Variants in SCGN observed in about 807,000 individuals in gnomAD.
SCGN encodes secretagogin, EF-hand calcium binding protein, also known as secretagogin.
SCGN carries 30 observed loss-of-function variants against 39.7 expected under a neutral mutation model. That is an observed-to-expected ratio of 0.76 (90% CI 0.57 to 1.03). The LOEUF (loss-of-function observed/expected upper bound fraction) is 1.03. Ranked by LOEUF, SCGN falls within the 50% of genes least tolerant of loss-of-function variation. SCGN has a pLI of 0.00. For synonymous variants in SCGN, 106 were observed against 114.1 expected (o/e 0.93, Z 0.45); for missense variants, 353 against 349.4 (o/e 1.01, Z -0.08).
At chr6:25,669,691 A>T (rs981309633) in intron 5 of SCGN, 124 bp downstream of exon 5, 1 of 753,886 alleles carries the variant, frequency 1.3e-6, no homozygotes, top group Admixed American at 2.1e-5. Flanking sequence ...AAAAATACAT[A>T]CATATGTACA....
chr6:25,652,359 G>C lies in SCGN; in HGVS notation c.-45G>C, dbSNP rs1457980317. 1.3e-6 allele frequency: 2 copies of C among 1,522,616 alleles called. No individual in the cohort carries two copies. Among genetic ancestry groups the C allele is most frequent in the South Asian group, 2.2e-5 (2 of 89,092 alleles). The allele number at this position is 1,522,616 out of a possible 1,614,324, so 94.3% of individuals were successfully genotyped here. A position where few individuals can be genotyped will look rare whatever the true frequency, so the allele number is the denominator to read the frequency against. On this transcript the variant is annotated 5_prime_UTR_variant, in exon 1 of 11. Coordinates refer to ENST00000377961, the MANE Select transcript of SCGN (RefSeq NM_006998.4). Reference sequence around the variant, plus strand: ...CGGTGAAGGAGTCCTTCCCAAAGTTGTCTAGGTCCTTCCGCGCCGGTGCCT... The same window carrying C: ...CGGTGAAGGAGTCCTTCCCAAAGTTCTCTAGGTCCTTCCGCGCCGGTGCCT...
intron 4 of SCGN, among the ~76,000 whole-genome samples, chr6:25,666,134 G>A (rs1434937323): frequency 1.3e-5 from 2 of 148,778 alleles, no homozygotes; most frequent in Admixed American, 1.4e-4. Context: ...GAGGTCAGGA[G>A]TTCAAAGGCA....
At chr6:25,674,008 CT>C (rs921660049) in intron 6 of SCGN, among the ~76,000 whole-genome samples, 12 of 152,180 alleles carry the variant, frequency 7.9e-5, no homozygotes, top group Non-Finnish European at 1.5e-5. Flanking sequence ...ATGCCACACA[CT>C]TTTAAACAAC....
chr6:25,694,072 C>T (rs796935487), intron 10 of SCGN, among the ~76,000 whole-genome samples: 5 of 152,292 alleles, frequency 3.3e-5, no homozygotes, highest in African/African-American at 9.6e-5. Flanking sequence ...AAAATACTAG[C>T]TATATCACAT....
chr6:25,682,936 C>T (rs893523322), intron 7 of SCGN, among the ~76,000 whole-genome samples: 5 of 152,224 alleles, frequency 3.3e-5, no homozygotes, highest in Admixed American at 6.5e-5. Context: ...TGGCAGCTAC[C>T]TCAGCCAGGT....
rs1482880027 is a variant in SCGN at position 25,701,289 on chromosome 6, A to G, written c.785A>G (p.Gln262Arg). 1.2e-6 allele frequency: 2 copies of G among 1,613,586 alleles called. No individual in the cohort carries two copies. The highest frequency in any genetic ancestry group is 3.3e-5 in the Admixed American group (2 of 59,940). ...HCDVNKDGKIQKSELALCLGL... is the reference protein window; with the variant it reads ...HCDVNKDGKIRKSELALCLGL... ...GACGTGAACAAGGATGGAAAAATTC[A>G]GAAGTCTGAGCTGGCTTTGTGTCTT... The change falls in exon 11 of 11, where the codon CAG becomes CGG. Residue 262 changes from glutamine (Q) to arginine (R), a missense_variant. Coordinates refer to ENST00000377961, the MANE Select transcript of SCGN (RefSeq NM_006998.4).
chr6:25,693,433 C>T (rs567334461), intron 10 of SCGN, among the ~76,000 whole-genome samples: 22 of 108,958 alleles, frequency 2.0e-4, no homozygotes, highest in Admixed American at 1.5e-4. Context: ...GCCTGGGCAA[C>T]AGAGCGAGAC....
chr6:25,701,386 G>T lies in SCGN; in HGVS notation c.*51G>T. On this transcript the variant is annotated 3_prime_UTR_variant, in exon 11 of 11. Coordinates refer to ENST00000377961, the MANE Select transcript of SCGN (RefSeq NM_006998.4). ...TTACTATGTTTCTGTGATCTTGCTGGTAGAATTGTATCTGTGCATTGATGT... is the reference window on the plus strand; with the variant it reads ...TTACTATGTTTCTGTGATCTTGCTGTTAGAATTGTATCTGTGCATTGATGT... 2 of 1,586,886 alleles carry T rather than the reference G, an allele frequency of 1.3e-6. No homozygotes were observed. The highest frequency in any genetic ancestry group is 1.7e-6 in the Non-Finnish European group (2 of 1,166,706).
chr6:25,693,437 G>T (rs1017552775), intron 10 of SCGN, among the ~76,000 whole-genome samples: 1 of 124,814 alleles, frequency 8.0e-6, no homozygotes, highest in African/African-American at 3.2e-5. Context: ...GGGCAACAGA[G>T]CGAGACTCCG....
At chr6:25,652,543 G>T in intron 1 of SCGN, 58 bp downstream of exon 1, 3 of 1,520,778 alleles carry the variant, frequency 2.0e-6, no homozygotes, top group East Asian at 2.3e-5. Flanking sequence ...AGCTCAGCCC[G>T]CTGAAAGGAC....
intron 2 of SCGN, among the ~76,000 whole-genome samples, chr6:25,656,665 G>C (rs1231989096): frequency 1.3e-5 from 2 of 152,136 alleles, no homozygotes; most frequent in Non-Finnish European, 2.9e-5. Flanking sequence ...TAGCGTCTCA[G>C]ATAAGGACTG....
At chr6:25,669,618 ATG>A (rs1382116070) in intron 5 of SCGN, 51 bp downstream of exon 5, 1 of 1,476,952 alleles carries the variant, frequency 6.8e-7, no homozygotes, top group Non-Finnish European at 9.5e-7. Context: ...GGAATTTGAT[ATG>A]TGTGTATCAT....
chr6:25,665,656 T>C (rs2151378309), intron 4 of SCGN, among the ~76,000 whole-genome samples: 1 of 152,134 alleles, frequency 6.6e-6, no homozygotes, highest in Admixed American at 6.5e-5. Flanking sequence ...CAGATAAGGG[T>C]TTCCCCAAGG....
intron 7 of SCGN, among the ~76,000 whole-genome samples, chr6:25,687,451 G>C (rs910978450): frequency 2.0e-5 from 3 of 152,012 alleles, no homozygotes; most frequent in African/African-American, 7.2e-5. Flanking sequence ...ATCATGAAAC[G>C]ATTAGTATTC....
chr6:25,667,639 G>A (rs114062767), intron 4 of SCGN, among the ~76,000 whole-genome samples: 1,743 of 152,040 alleles, frequency 0.011, 28 homozygotes, highest in African/African-American at 0.04. Context: ...GTCTTTGTTC[G>A]CCATTCCTTT....
At chr6:25,692,941 G>A (rs1274233007) in intron 10 of SCGN, among the ~76,000 whole-genome samples, 1 of 152,072 alleles carries the variant, frequency 6.6e-6, no homozygotes, top group Non-Finnish European at 1.5e-5. Context: ...GCTTTGGCCT[G>A]TGACAGATCT....
intron 6 of SCGN, among the ~76,000 whole-genome samples, chr6:25,671,076 T>G (rs1759493326): frequency 6.6e-6 from 1 of 152,232 alleles, no homozygotes; most frequent in Non-Finnish European, 1.5e-5. Context: ...AGCCTTATGG[T>G]GAAGTCAGGG....
At chr6:25,695,448 C>G (rs1305304110) in intron 10 of SCGN, among the ~76,000 whole-genome samples, 1 of 152,140 alleles carries the variant, frequency 6.6e-6, no homozygotes, top group Non-Finnish European at 1.5e-5. Context: ...GGGCACTTAA[C>G]ATAACATTTA....
intron 6 of SCGN, among the ~76,000 whole-genome samples, chr6:25,672,145 G>A (rs1338706246): frequency 6.6e-6 from 1 of 152,140 alleles, no homozygotes; most frequent in East Asian, 1.9e-4. Context: ...TTCCCTCCAC[G>A]GTGAGCCCAG....
Sources: gnomAD v4.1 joint callset for allele counts (sites outside exome capture counted in the v4.1 genomes callset) on GRCh38, gnomAD v4.1.1 for gene constraint, MANE v1.5 for transcripts, NCBI Gene and HGNC (gene_info 2026-07-23, HGNC 2026-07-21) for gene names.